WDR27: variants seen among roughly 807,000 people sequenced by gnomAD.
The protein encoded by WDR27 is WD repeat domain 27, also known as WD repeat-containing protein 27.
Under a neutral mutation model 114.4 loss-of-function variants are expected in WDR27, and 100 were observed. That is an observed-to-expected ratio of 0.87 (90% CI 0.74 to 1.03). The LOEUF (loss-of-function observed/expected upper bound fraction) is 1.03. WDR27 is among the 50% of genes least tolerant of loss of function. The probability of loss-of-function intolerance (pLI) is 0.00; values close to 1 mark genes in which losing one functional copy is unlikely to be tolerated. For missense variants in WDR27, 1,129 were observed against 1,092.9 expected, an observed-to-expected ratio of 1.03 and a Z score of -0.47; for synonymous variants, 449 against 423.1, an observed-to-expected ratio of 1.06 and a Z score of -0.75.
At chr6:169,652,497 G>A (rs567710758) in intron 13 of WDR27, among the ~76,000 whole-genome samples, 3 of 152,134 alleles carry the variant, frequency 2.0e-5, no homozygotes, top group Admixed American at 2.0e-4. Context: ...TCCACCTGCC[G>A]CAGCCTCCCA....
At chr6:169,497,277 G>A (rs888475511) in intron 25 of WDR27, among the ~76,000 whole-genome samples, 28 of 152,178 alleles carry the variant, frequency 1.8e-4, no homozygotes, top group African/African-American at 6.0e-4. Context: ...AACAAAGTGC[G>A]CCAAAGGCCT....
the WDR27 span, among the ~76,000 whole-genome samples, chr6:169,427,683 C>G: frequency 6.6e-6 from 1 of 151,942 alleles, no homozygotes; most frequent in African/African-American, 2.4e-5. Context: ...TATTCTGAAT[C>G]CCACCTGTGC....
chr6:169,588,743 G>A (rs965827913), intron 23 of WDR27, among the ~76,000 whole-genome samples: 2 of 152,310 alleles, frequency 1.3e-5, no homozygotes, highest in Non-Finnish European at 1.5e-5. Flanking sequence ...CTGGTCCAGG[G>A]CACCCCACTT....
intron 25 of WDR27, among the ~76,000 whole-genome samples, chr6:169,497,113 G>C (rs980875145): frequency 6.6e-6 from 1 of 152,094 alleles, no homozygotes; most frequent in Admixed American, 6.5e-5. Context: ...GAATTAAATA[G>C]AGAGCCCAGA....
intron 22 of WDR27, among the ~76,000 whole-genome samples, chr6:169,605,015 G>A (rs1478079075): frequency 2.1e-5 from 3 of 144,952 alleles, no homozygotes; most frequent in African/African-American, 7.8e-5. Context: ...AAAATTGAAA[G>A]TCTTTCCTCT....
intron 1 of WDR27, among the ~76,000 whole-genome samples, chr6:169,690,251 GCA>G (rs1224483338): frequency 6.6e-5 from 10 of 152,180 alleles, no homozygotes; most frequent in Non-Finnish European, 1.3e-4. Context: ...ATACACCCAT[GCA>G]GCCATCACAC....
At position 169,659,448 on chromosome 6, in the gene WDR27, G is replaced by A. The variant is rs1243695820; in HGVS notation, c.1197+3C>T. ...ACAGGGAGGGCCGCGTCTCAGGACT[G>A]ACCTTTTGATCCGCAGTGCGGTTCC... is the stretch of plus-strand genomic sequence containing the variant. On this transcript the variant is annotated splice_donor_region_variant and intron_variant, in intron 11 of 25. Coordinates refer to ENST00000448612, the MANE Select transcript of WDR27 (RefSeq NM_182552.5). This position sits in a 1 kb window ranked among gnomAD's most constrained non-coding sequence, Gnocchi z 4.3. 5.0e-6 allele frequency: 8 copies of A among 1,607,438 alleles called. No homozygotes were observed. Among genetic ancestry groups the A allele is most frequent in the Non-Finnish European group, 6.8e-6 (8 of 1,176,950 alleles).
At chr6:169,470,409 C>T (rs976102988) in intron 25 of WDR27, among the ~76,000 whole-genome samples, 1 of 152,218 alleles carries the variant, frequency 6.6e-6, no homozygotes, top group East Asian at 1.9e-4. Flanking sequence ...GTATTTGTTA[C>T]AGCAGCAGCA....
intron 2 of WDR27, among the ~76,000 whole-genome samples, chr6:169,685,247 A>T (rs373539500): frequency 6.6e-6 from 1 of 151,280 alleles, no homozygotes; most frequent in Non-Finnish European, 1.5e-5. Flanking sequence ...ATGTCAGGAC[A>T]TATCAACCAT....
chr6:169,547,915 CA>C lies in WDR27; in HGVS notation c.2645+24503del, dbSNP rs533209620. ...ACATAGAACATTTGAAAGAATTTAC[CA>C]AAAAAAAAAAACCTTCTGGAACAAA... On this transcript the variant is annotated intron_variant, in intron 25 of 25. Coordinates refer to ENST00000448612, the MANE Select transcript of WDR27 (RefSeq NM_182552.5). 2.8e-3 allele frequency among the ~76,000 whole-genome samples: 363 copies of C among 130,160 alleles called. 1 individual carries two copies. The highest frequency in any genetic ancestry group is 8.7e-3 in the African/African-American group (310 of 35,606). 85.4% of individuals were successfully genotyped at this position (130,160 alleles called of 152,430 possible).
At chr6:169,497,626 A>C (rs1562495295) in intron 25 of WDR27, among the ~76,000 whole-genome samples, 1 of 152,188 alleles carries the variant, frequency 6.6e-6, no homozygotes, top group African/African-American at 2.4e-5. Context: ...GAAGATACAC[A>C]AATGTCCAAG....
At chr6:169,499,017 G>A (rs1013098895) in intron 25 of WDR27, among the ~76,000 whole-genome samples, 1 of 152,162 alleles carries the variant, frequency 6.6e-6, no homozygotes, top group Non-Finnish European at 1.5e-5. Flanking sequence ...AAGAGCATCA[G>A]ATTATGTCAA....
rs1042260826 is a variant in WDR27, at chr6:169,617,920, T to G, written c.2224-4264A>C. On this transcript the variant is annotated intron_variant, in intron 21 of 25. Transcript: ENST00000448612. ...GCTCTTCGTTAGAAAAGAAAATGAT[T>G]TGGGGGCTGTTCTTCATTAAAAGGA... Among the ~76,000 whole-genome samples the G allele has an allele frequency of 1.1e-4, 16 of 152,174 alleles. 1 individual carries two copies. Among genetic ancestry groups the G allele is most frequent in the Admixed American group, 9.8e-4 (15 of 15,278 alleles).
Position 169,523,789 on chromosome 6 carries a change from C to T in WDR27, c.2645+48630G>A, listed in dbSNP as rs116838876. On this transcript the variant is annotated intron_variant, in intron 25 of 25. Transcript: ENST00000448612. ...ACAAACTAGGTATAGAAGGAACATA[C>T]GTCAAAATAATAAAGGCTATATATG... 2.5e-3 allele frequency among the ~76,000 whole-genome samples: 382 copies of T among 152,084 alleles called. 3 individuals carry two copies. The highest frequency in any genetic ancestry group is 8.2e-3 in the African/African-American group (340 of 41,508).
At chr6:169,637,401 C>T (rs1817883068) in intron 18 of WDR27, among the ~76,000 whole-genome samples, 1 of 152,234 alleles carries the variant, frequency 6.6e-6, no homozygotes. Flanking sequence ...TAGATTTAAC[C>T]ATATGAATGT....
At chr6:169,648,213 T>C (rs80106119) in intron 15 of WDR27, among the ~76,000 whole-genome samples, 8,353 of 152,292 alleles carry the variant, frequency 0.055, 316 homozygotes, top group East Asian at 0.095. Flanking sequence ...TCCAGTCTCA[T>C]GCCGCTGTGG....
intron 25 of WDR27, among the ~76,000 whole-genome samples, chr6:169,463,670 GAATTAA>G (rs1785191583): frequency 6.6e-6 from 1 of 152,100 alleles, no homozygotes; most frequent in African/African-American, 2.4e-5. Flanking sequence ...AAGCCTGTTA[GAATTAA>G]TAAAATCAGC....
chr6:169,614,747 AAAT>A (rs1469904842), intron 21 of WDR27, among the ~76,000 whole-genome samples: 1 of 152,146 alleles, frequency 6.6e-6, no homozygotes, highest in Non-Finnish European at 1.5e-5. Flanking sequence ...ACATGTTTTA[AAAT>A]AATAATAATT....
chr6:169,636,035 A>G (rs1224686951), intron 19 of WDR27, among the ~76,000 whole-genome samples: 3 of 152,226 alleles, frequency 2.0e-5, no homozygotes, highest in Admixed American at 2.0e-4. Context: ...ATATATGTAT[A>G]TATTTGAAAC....
Sources: gnomAD v4.1 joint callset for allele counts (sites outside exome capture counted in the v4.1 genomes callset) on GRCh38, gnomAD v4.1.1 for gene constraint, Gnocchi (gnomAD v3.1) non-coding constraint, MANE v1.5 for transcripts, NCBI Gene and HGNC (gene_info 2026-07-23, HGNC 2026-07-21) for gene names.